NSD1: variants seen among roughly 807,000 people sequenced by gnomAD.
NSD1 encodes the protein nuclear receptor binding SET domain protein 1, also known as histone-lysine N-methyltransferase, H3 lysine-36 specific.
Under a neutral mutation model 242.7 loss-of-function variants are expected in NSD1, and 26 were observed. The ratio of observed to expected loss-of-function variants is 0.11; its 90% confidence interval spans 0.08 to 0.15. The LOEUF (loss-of-function observed/expected upper bound fraction) is 0.15. NSD1 is among the 10% of genes least tolerant of loss of function. The pLI, the probability that NSD1 is intolerant of heterozygous loss-of-function variation, is 1.00. For missense variants in NSD1, 2,495 were observed against 3,272.8 expected, an observed-to-expected ratio of 0.76 and a Z score of 5.80; for synonymous variants, 1,106 against 1,178.1, an observed-to-expected ratio of 0.94 and a Z score of 1.25.
chr5:177,239,773 C>T lies in NSD1; in HGVS notation c.4210C>T (p.Arg1404Cys), dbSNP rs2149889333. The stretch of plus-strand genomic sequence containing the variant: ...CATTTCAGGAAATTATGAAAGTAAA[C>T]GTCAAAGAAAACCAACTAAGAAACT... ...VKTPGNYESKRQRKPTKKLLE... is the reference protein window; with the variant it reads ...VKTPGNYESKCQRKPTKKLLE... Residue 1404 changes from arginine (R) to cysteine (C), a missense_variant, in exon 8 of 23, where the codon CGT becomes TGT. Coordinates refer to ENST00000439151, the MANE Select transcript of NSD1 (RefSeq NM_022455.5). 1 of 1,605,624 alleles carries T rather than the reference C, an allele frequency of 6.2e-7. No homozygotes were observed. Among genetic ancestry groups the T allele is most frequent in the Non-Finnish European group, 8.5e-7 (1 of 1,172,694 alleles).
At chr5:177,131,975 G>C (rs1755916231), upstream of NSD1, among the ~76,000 whole-genome samples, 1 of 152,266 alleles carries the variant, frequency 6.6e-6, no homozygotes, top group South Asian at 2.1e-4. Context: ...GGGCGACGGA[G>C]TCCGGGCTGG....
rs1323053660 is a variant in NSD1, at chr5:177,299,323, G to A, written c.*3864G>A. 1 of 233,196 alleles carries A rather than the reference G, an allele frequency of 4.3e-6. No homozygotes were observed. Among genetic ancestry groups the A allele is most frequent in the Non-Finnish European group, 8.5e-6 (1 of 118,074 alleles). 14.4% of individuals were successfully genotyped at this position (233,196 alleles called of 1,614,324 possible). On this transcript the variant is annotated 3_prime_UTR_variant, in exon 23 of 23. Transcript: ENST00000439151. ...AGTTTGAGGCTTTGTTAAAAGTGGGGAGAAGGAAGATCCTCAGTGAAGCCT... is the reference window on the plus strand; with the variant it reads ...AGTTTGAGGCTTTGTTAAAAGTGGGAAGAAGGAAGATCCTCAGTGAAGCCT...
intron 10 of NSD1, among the ~76,000 whole-genome samples, chr5:177,247,364 T>C (rs1172738926): frequency 1.3e-5 from 2 of 152,068 alleles, no homozygotes; most frequent in African/African-American, 2.4e-5. Context: ...GAGGCAGAGG[T>C]TGTAGTGAGC....
chr5:177,286,776 T>C (rs1759368386), intron 20 of NSD1, among the ~76,000 whole-genome samples: 1 of 152,242 alleles, frequency 6.6e-6, no homozygotes, highest in South Asian at 2.1e-4. Flanking sequence ...AACCTGCAGT[T>C]CATGTCCATG....
chr5:177,258,275 C>T (rs1004564251), intron 13 of NSD1, among the ~76,000 whole-genome samples: 10 of 151,656 alleles, frequency 6.6e-5, no homozygotes, highest in Admixed American at 2.6e-4. Context: ...CCACTGCGCC[C>T]GGCCGGCCAT....
chr5:177,258,164 G>C (rs755053941), intron 13 of NSD1, among the ~76,000 whole-genome samples: 5 of 151,254 alleles, frequency 3.3e-5, no homozygotes. Flanking sequence ...ATTTTTAGTA[G>C]AGACAGAGTT....
chr5:177,218,321 T>TTAC (rs1469498146), intron 5 of NSD1, among the ~76,000 whole-genome samples: 5 of 152,184 alleles, frequency 3.3e-5, no homozygotes, highest in Non-Finnish European at 7.4e-5. Context: ...AGTGCTGGGA[T>TTAC]TACAGGTGTG....
chr5:177,250,261 A>G (rs1755831716), intron 11 of NSD1, among the ~76,000 whole-genome samples: 1 of 152,230 alleles, frequency 6.6e-6, no homozygotes, highest in Non-Finnish European at 1.5e-5. Flanking sequence ...AGTTATGCCC[A>G]TTATTTACTT....
At chr5:177,171,718 A>G (rs1759725372) in intron 2 of NSD1, among the ~76,000 whole-genome samples, 2 of 152,030 alleles carry the variant, frequency 1.3e-5, no homozygotes, top group South Asian at 2.1e-4. Context: ...GTATTTGTCT[A>G]TTTGTGTCTG....
At position 177,248,281 on chromosome 5, in the gene NSD1, G is replaced by T. The variant is rs1482318175; in HGVS notation, c.4598G>T (p.Gly1533Val). The change falls in exon 11 of 23, where the codon GGT becomes GTT. Residue 1533 changes from glycine to valine, a missense_variant. Gly to Val is a moderately radical substitution (Grantham distance 109). Around this residue, in one of 19 missense-constraint regions of NSD1, gnomAD observed 97 missense variants for 97.7 expected, o/e 0.99. Coordinates refer to ENST00000439151, the MANE Select transcript of NSD1 (RefSeq NM_022455.5). ...PGMPASKKMQ[G>V]ERGGGAALKE... ...ATGCCTGCCTCTAAAAAAATGCAGG[G>T]TGAACGCGGTGGAGGAGCTGCACTC... 8 of 1,613,938 alleles carry T rather than the reference G, an allele frequency of 5.0e-6. No homozygotes were observed. Among genetic ancestry groups the T allele is most frequent in the Non-Finnish European group, 6.8e-6 (8 of 1,179,990 alleles).
At chr5:177,253,836 C>T (rs373562763) in intron 12 of NSD1, among the ~76,000 whole-genome samples, 5 of 152,044 alleles carry the variant, frequency 3.3e-5, no homozygotes, top group African/African-American at 1.2e-4. Flanking sequence ...GATTTTATTA[C>T]ATTATTACCA....
intron 11 of NSD1, among the ~76,000 whole-genome samples, chr5:177,249,276 C>A (rs1341863787): frequency 6.6e-6 from 1 of 152,024 alleles, no homozygotes; most frequent in Non-Finnish European, 1.5e-5. Flanking sequence ...GAGTTCTAGA[C>A]CAGTCTGGGC....
intron 18 of NSD1, among the ~76,000 whole-genome samples, chr5:177,281,476 G>GT (rs1758876032): frequency 6.6e-6 from 1 of 151,898 alleles, no homozygotes; most frequent in South Asian, 2.1e-4. Flanking sequence ...TATGTGCCAG[G>GT]TATTGTGCTG....
chr5:177,131,812 T>C (rs892639437), upstream of NSD1, among the ~76,000 whole-genome samples: 1 of 152,152 alleles, frequency 6.6e-6, no homozygotes, highest in African/African-American at 2.4e-5. Context: ...TGAGATGGAG[T>C]TAACTCCAAA....
intron 17 of NSD1, among the ~76,000 whole-genome samples, chr5:177,280,221 C>A (rs926824867): frequency 6.6e-6 from 1 of 151,756 alleles, no homozygotes. Flanking sequence ...TCGTAATCCA[C>A]CTGCCTCGGC....
In NSD1 at chr5:177,211,007, A is replaced by G. The variant is rs1416157841; in HGVS notation, c.2608A>G (p.Arg870Gly). The G allele has an allele frequency of 6.2e-7, 1 of 1,614,228 alleles. No homozygotes were observed. Among genetic ancestry groups the G allele is most frequent in the South Asian group, 1.1e-5 (1 of 91,090 alleles). ...ATCCGAGTTGAAGGAACTCTCTTAC[A>G]GATCCTTAGGTGAGGATGTCAGTGA... ...VLSELKELSY[R>G]SLGEDVSDSG... The change falls in exon 5 of 23, where the codon AGA (arginine) becomes GGA (glycine). Residue 870 changes from arginine (R) to glycine (G), a missense_variant. By Grantham distance (125) the Arg-to-Gly change is moderately radical. Around this residue, in one of 19 missense-constraint regions of NSD1, gnomAD observed 121 missense variants for 167.2 expected, o/e 0.72. Coordinates refer to ENST00000439151, the MANE Select transcript of NSD1 (RefSeq NM_022455.5).
rs1760304188 is a variant in NSD1, at chr5:177,297,076, G to A, written c.*1617G>A. On this transcript the variant is annotated 3_prime_UTR_variant, in exon 23 of 23. Coordinates refer to ENST00000439151, the MANE Select transcript of NSD1 (RefSeq NM_022455.5). ...CAGTAGTTATTATAGAAGCATTTGC[G>A]CTTTATCTAAAGATTAAAAATAGAA... 2 of 233,034 alleles carry A rather than the reference G, an allele frequency of 8.6e-6. No homozygotes were observed. The highest frequency in any genetic ancestry group is 1.7e-5 in the Non-Finnish European group (2 of 118,016). 14.4% of individuals were successfully genotyped at this position (233,034 alleles called of 1,614,324 possible). A position where few individuals can be genotyped will look rare whatever the true frequency, so the allele number is the denominator to read the frequency against.
In NSD1 at chr5:177,238,264, C is replaced by G. The variant is rs778390966; in HGVS notation, c.3949C>G (p.Leu1317Val). ...AAGTTCCCGCTGTGAAGAGGAAAGC[C>G]TTCTAGCCCGAGGTCGATCTAGTGC... ...KVSSRCEEES[L>V]LARGRSSAQN... Residue 1317 changes from leucine (L) to valine (V), a missense_variant, in exon 7 of 23, where the codon CTT (leucine) becomes GTT (valine). Physicochemically the swap from Leu to Val is conservative, Grantham distance 32. Coordinates refer to ENST00000439151, the MANE Select transcript of NSD1 (RefSeq NM_022455.5). The surrounding 1 kb of genome is among the most constrained non-coding windows in gnomAD (Gnocchi z 4.6). 18 of 1,613,998 alleles carry G rather than the reference C, an allele frequency of 1.1e-5. No homozygotes were observed. Among genetic ancestry groups the G allele is most frequent in the Non-Finnish European group, 1.5e-5 (18 of 1,180,046 alleles).
chr5:177,181,110 C>G (rs1189957069), intron 2 of NSD1, among the ~76,000 whole-genome samples: 4 of 151,058 alleles, frequency 2.6e-5, no homozygotes, highest in East Asian at 1.9e-4. Flanking sequence ...GTGATCTCAG[C>G]TCACTGCAAA....
Sources: gnomAD v4.1 joint callset for allele counts (sites outside exome capture counted in the v4.1 genomes callset) on GRCh38, gnomAD v4.1.1 for gene constraint, gnomAD v4.1.1 regional missense constraint, Gnocchi (gnomAD v3.1) non-coding constraint, MANE v1.5 for transcripts, NCBI Gene and HGNC (gene_info 2026-07-23, HGNC 2026-07-21) for gene names.